Variants in CHN2 observed in about 807,000 individuals in gnomAD.
CHN2 encodes beta-chimaerin.
In CHN2, 35 loss-of-function variants were observed where a neutral mutation model predicts 56.3. The ratio of observed to expected loss-of-function variants is 0.62; its 90% CI spans 0.47 to 0.82. The LOEUF (loss-of-function observed/expected upper bound fraction) is 0.82, where lower values mean the gene tolerates loss of function less well. CHN2 is among the 40% of genes least tolerant of loss of function. The probability of loss-of-function intolerance (pLI) is 0.00; values close to 1 mark genes in which losing one functional copy is unlikely to be tolerated. For synonymous variants in CHN2, 210 were observed against 212.8 expected (o/e 0.99, Z 0.12); for missense variants, 491 against 580.5 (o/e 0.85, Z 1.58).
intron 7 of CHN2, among the ~76,000 whole-genome samples, chr7:29,491,200 C>G (rs1180355123): frequency 6.6e-6 from 1 of 151,948 alleles, no homozygotes; most frequent in Non-Finnish European, 1.5e-5. Context: ...TTACATTTCT[C>G]TCATGTTATG....
intron 2 of CHN2, among the ~76,000 whole-genome samples, chr7:29,365,425 A>G (rs1799075268): frequency 6.6e-6 from 1 of 152,214 alleles, no homozygotes; most frequent in South Asian, 2.1e-4. Flanking sequence ...ATACAGAACT[A>G]TAGTTGTTGA....
At chr7:29,483,779 G>A in intron 7 of CHN2, 24 of 1,139,858 alleles carry the variant, frequency 2.1e-5, no homozygotes, top group South Asian at 1.2e-4. Context: ...CCAGAGGCCC[G>A]GCAGTCGGCT....
intron 1 of CHN2, among the ~76,000 whole-genome samples, chr7:29,258,698 C>T (rs73684640): frequency 0.033 from 5,046 of 152,210 alleles, 267 homozygotes; most frequent in African/African-American, 0.11. Context: ...GCTACAAAAG[C>T]GTGAGACCCA....
At chr7:29,311,437 C>T (rs1794597870) in intron 1 of CHN2, among the ~76,000 whole-genome samples, 1 of 152,176 alleles carries the variant, frequency 6.6e-6, no homozygotes, top group South Asian at 2.1e-4. Flanking sequence ...TTACTTTGTG[C>T]CAGGTACTTT....
chr7:29,310,334 AC>A (rs1794498736), intron 1 of CHN2, among the ~76,000 whole-genome samples: 1 of 152,238 alleles, frequency 6.6e-6, no homozygotes, highest in Non-Finnish European at 1.5e-5. Flanking sequence ...GAATATAATC[AC>A]ATTCATGTTT....
intron 3 of CHN2, among the ~76,000 whole-genome samples, chr7:29,372,214 A>C (rs368232172): frequency 6.6e-6 from 1 of 151,880 alleles, no homozygotes; most frequent in African/African-American, 2.4e-5. Flanking sequence ...ATTAAAAAAA[A>C]AGAAAGAAAG....
chr7:29,345,194 G>C (rs1187591231), intron 1 of CHN2, among the ~76,000 whole-genome samples: 1 of 152,166 alleles, frequency 6.6e-6, no homozygotes, highest in Non-Finnish European at 1.5e-5. Context: ...GCCTGAAAAA[G>C]ACAGCTTTTT....
intron 1 of CHN2, among the ~76,000 whole-genome samples, chr7:29,241,537 C>T (rs1226454451): frequency 2.0e-5 from 3 of 152,016 alleles, no homozygotes; most frequent in African/African-American, 7.2e-5. Context: ...GTAGCTGAGC[C>T]AAGTTTTGGA....
intron 1 of CHN2, among the ~76,000 whole-genome samples, chr7:29,343,835 C>T (rs944191521): frequency 2.6e-5 from 4 of 152,016 alleles, no homozygotes; most frequent in Admixed American, 6.6e-5. Context: ...CTGGGGTTTC[C>T]ATTCCTGGAT....
At chr7:29,147,204 G>A in intron 2 of CHN2, 1 of 528,900 alleles carries the variant, frequency 1.9e-6, no homozygotes, top group Non-Finnish European at 3.3e-6. Flanking sequence ...AACTAAAAAA[G>A]GCAAGGAGGT....
At chr7:29,466,373 T>C (rs996081655) in intron 6 of CHN2, among the ~76,000 whole-genome samples, 5 of 152,218 alleles carry the variant, frequency 3.3e-5, no homozygotes, top group African/African-American at 1.2e-4. Flanking sequence ...ATAATATTCA[T>C]TATTCTTTTA....
chr7:29,346,821 G>A (rs954848396), intron 1 of CHN2, among the ~76,000 whole-genome samples: 1 of 152,150 alleles, frequency 6.6e-6, no homozygotes, highest in Non-Finnish European at 1.5e-5. Flanking sequence ...TTTGCCAAGT[G>A]GAGCACATGT....
chr7:29,231,672 T>G (rs1356971667), intron 1 of CHN2, among the ~76,000 whole-genome samples: 1 of 152,216 alleles, frequency 6.6e-6, no homozygotes, highest in East Asian at 1.9e-4. Context: ...ATTTTAGCCT[T>G]TTAGATGTTT....
intron 1 of CHN2, among the ~76,000 whole-genome samples, chr7:29,243,452 A>G (rs1340918956): frequency 1.3e-5 from 2 of 152,196 alleles, no homozygotes; most frequent in African/African-American, 4.8e-5. Flanking sequence ...AGGGGATTCT[A>G]TGGGAAGTCC....
In CHN2 at chr7:29,273,343, GTATATATATATATA is replaced by G. The variant is rs55722880; in HGVS notation, c.49+78386_49+78399del. On this transcript the variant is annotated intron_variant, in intron 1 of 12. Coordinates refer to ENST00000222792, the MANE Select transcript of CHN2 (RefSeq NM_004067.4). ...CCATCATGCATATATATATATATGT[GTATATATATATATA>G]TATATATATATATATATATATATAT... is the stretch of plus-strand genomic sequence containing the variant. Among the ~76,000 whole-genome samples, 61 of 58,184 alleles carry G rather than the reference GTATATATATATATA, an allele frequency of 1.0e-3. 1 individual carries two copies. The highest frequency in any genetic ancestry group is 1.9e-3 in the African/African-American group (29 of 15,596). The allele number at this position is 58,184 out of a possible 152,430, so 38.2% of individuals were successfully genotyped here. A position where few individuals can be genotyped will look rare whatever the true frequency, so the allele number is the denominator to read the frequency against.
intron 1 of CHN2, among the ~76,000 whole-genome samples, chr7:29,239,301 T>C (rs1787463544): frequency 6.6e-6 from 1 of 152,136 alleles, no homozygotes; most frequent in South Asian, 2.1e-4. Context: ...TTAAAGTTGT[T>C]GACCTGAGCA....
intron 1 of CHN2, among the ~76,000 whole-genome samples, chr7:29,240,039 C>T (rs1245672990): frequency 6.6e-6 from 1 of 152,234 alleles, no homozygotes; most frequent in Admixed American, 6.5e-5. Flanking sequence ...CCAGATCCAG[C>T]CCGCAGGCAG....
At chr7:29,203,463 G>C (rs1258744162) in intron 1 of CHN2, among the ~76,000 whole-genome samples, 2 of 81,908 alleles carry the variant, frequency 2.4e-5, no homozygotes, top group East Asian at 4.7e-4. Context: ...GTGAAACTCC[G>C]TCTCAAAAAA....
At chr7:29,296,234 C>G (rs1014599354) in intron 1 of CHN2, among the ~76,000 whole-genome samples, 8 of 152,028 alleles carry the variant, frequency 5.3e-5, no homozygotes, top group African/African-American at 1.9e-4. Context: ...CAGGCGCCCA[C>G]CACCACGCCC....
Sources: gnomAD v4.1 joint callset for allele counts (sites outside exome capture counted in the v4.1 genomes callset) on GRCh38, gnomAD v4.1.1 for gene constraint, MANE v1.5 for transcripts, NCBI Gene and HGNC (gene_info 2026-07-23, HGNC 2026-07-21) for gene names.